Variants in IL17RE observed in about 807,000 individuals in gnomAD.
IL17RE encodes interleukin-17 receptor E.
In IL17RE, 47 loss-of-function variants were observed where a neutral mutation model predicts 70.7. That is an observed-to-expected ratio of 0.67 (90% confidence interval 0.53 to 0.85). The LOEUF is 0.85. Among genes scored for constraint, IL17RE ranks in the 40% least tolerant of loss-of-function variants. The probability of loss-of-function intolerance (pLI) is 0.00; values close to 1 mark genes in which losing one functional copy is unlikely to be tolerated. For synonymous variants in IL17RE, 372 were observed against 381.2 expected (o/e 0.98, Z 0.28); for missense variants, 850 against 893.9 (o/e 0.95, Z 0.63).
rs765059546 is a variant in IL17RE, at chr3:9,911,183, A to G, written c.1026+9A>G. On this transcript the variant is annotated intron_variant, in intron 10 of 15. Transcript: ENST00000383814. ...CCCAGCTCTGCTTCAAGGTACAACC[A>G]TGGGTAAGAAAAGATGTGGTGTAGT... The G allele has an allele frequency of 1.2e-6, 2 of 1,614,096 alleles. No homozygotes were observed. The highest frequency in any genetic ancestry group is 1.1e-5 in the South Asian group (1 of 91,094).
At chr3:9,910,366 C>CA (rs561370953) in intron 8 of IL17RE, 20,529 of 138,804 alleles carry the variant, frequency 0.15, 1,754 homozygotes, top group Admixed American at 0.25. Flanking sequence ...AACTCCGTCT[C>CA]AAAAAAAAAA....
intron 15 of IL17RE, 46 bp downstream of exon 15, chr3:9,914,823 G>C (rs367865658): frequency 1.3e-6 from 2 of 1,483,558 alleles, no homozygotes; most frequent in African/African-American, 1.4e-5. Flanking sequence ...TGCCCAGCTC[G>C]GAGACTAGCT....
In IL17RE at chr3:9,915,727, G is replaced by A; in HGVS notation, c.1924G>A (p.Ala642Thr). The stretch of plus-strand genomic sequence containing the variant: ...GGCCACCAGCTGGGGCCGCCTTGGG[G>A]CGCGGCAGCGCAGGCAGAGCCGCCT... ...AEATSWGRLG[A>T]RQRRQSRLEL... Residue 642 changes from alanine (A) to threonine (T), a missense_variant, in exon 16 of 16, where the codon GCG becomes ACG. Coordinates refer to ENST00000383814, the MANE Select transcript of IL17RE (RefSeq NM_153480.2). The surrounding 1 kb of genome is among the most constrained non-coding windows in gnomAD (Gnocchi z 4.9). The A allele has an allele frequency of 6.9e-7, 1 of 1,441,116 alleles. No homozygotes were observed. The highest frequency in any genetic ancestry group is 9.0e-7 in the Non-Finnish European group (1 of 1,110,536). The allele number at this position is 1,441,116 out of a possible 1,614,324, so 89.3% of individuals were successfully genotyped here.
At chr3:9,911,393 C>A (rs200740408) in intron 11 of IL17RE, 50 bp from the exon 12 acceptor site, 115 of 1,612,578 alleles carry the variant, frequency 7.1e-5, no homozygotes, top group South Asian at 6.3e-4. Context: ...GCCCTGAATT[C>A]ATCACCCAAA....
chr3:9,903,119 C>A, intron 1 of IL17RE, 55 bp downstream of exon 1: 2 of 1,483,280 alleles, frequency 1.3e-6, no homozygotes, highest in Non-Finnish European at 1.9e-6. Context: ...TAAAGCTCCC[C>A]ACTCCCCTGC....
chr3:9,903,450 C>T (rs998647350), intron 2 of IL17RE, 38 bp downstream of exon 2: 2 of 1,612,282 alleles, frequency 1.2e-6, no homozygotes, highest in Admixed American at 1.7e-5. Flanking sequence ...CCTCCCCACG[C>T]CCACTATTTT....
Position 9,916,186 on chromosome 3 carries a change from A to G in IL17RE, c.*379A>G, listed in dbSNP as rs1194743725. On this transcript the variant is annotated 3_prime_UTR_variant, in exon 16 of 16. Transcript: ENST00000383814. The stretch of plus-strand genomic sequence containing the variant: ...GGAGGGTGAGGCGGTGGGGGATTGC[A>G]GGGGGCGGCTGAGAGAAAACCTCCT... 6.2e-5 allele frequency: 11 copies of G among 177,262 alleles called. No individual in the cohort carries two copies. The highest frequency in any genetic ancestry group is 1.2e-5 in the Non-Finnish European group (1 of 85,194). 11.0% of individuals were successfully genotyped at this position (177,262 alleles called of 1,614,324 possible). A position where few individuals can be genotyped will look rare whatever the true frequency, so the allele number is the denominator to read the frequency against.
chr3:9,910,865 A>T lies in IL17RE; in HGVS notation c.803A>T (p.Tyr268Phe). ...CCCACTGACCCTGCCACCTGCCCAG[A>T]TGGCTCGGACTTCTGGAAGTCAGTG... is the stretch of plus-strand genomic sequence containing the variant. Reference protein sequence around the residue: ...KCPFQSWPEAYGSDFWKSVHF... With the variant: ...KCPFQSWPEAFGSDFWKSVHF... The change falls in exon 9 of 16, where the codon TAT becomes TTT. Residue 268 changes from tyrosine to phenylalanine, a missense_variant and splice_region_variant. By Grantham distance (22) the Tyr-to-Phe change is conservative. Transcript: ENST00000383814. 6.2e-7 allele frequency: 1 copy of T among 1,613,222 alleles called. No homozygotes were observed. The highest frequency in any genetic ancestry group is 8.5e-7 in the Non-Finnish European group (1 of 1,179,486).
Position 9,904,019 on chromosome 3 carries a change from C to T in IL17RE, c.149-13C>T, listed in dbSNP as rs1315650639. ...TAGACCCTATCATTTGCTTTCCCTT[C>T]CATCTTTCCCAGGAAGTTCTGCCTA... On this transcript the variant is annotated splice_polypyrimidine_tract_variant and intron_variant, in intron 2 of 15. Transcript: ENST00000383814. The T allele has an allele frequency of 6.2e-7, 1 of 1,613,894 alleles. No individual in the cohort carries two copies. The highest frequency in any genetic ancestry group is 2.2e-5 in the East Asian group (1 of 44,884).
intron 12 of IL17RE, 189 bp downstream of exon 12, chr3:9,911,786 T>C (rs279570): frequency 0.48 from 236,569 of 488,238 alleles, 61,516 homozygotes; most frequent in Non-Finnish European, 0.54. Context: ...CAAGGGAGCA[T>C]TTTCTTTTTT....
chr3:9,906,450 G>A lies in IL17RE; in HGVS notation c.355G>A (p.Ala119Thr). The A allele has an allele frequency of 6.2e-7, 1 of 1,611,284 alleles. No individual in the cohort carries two copies. Among genetic ancestry groups the A allele is most frequent in the Non-Finnish European group, 8.5e-7 (1 of 1,177,564 alleles). Reference protein sequence around the residue: ...FKFYRRHKMPAPAQRKLLPRR... With the variant: ...FKFYRRHKMPTPAQRKLLPRR... ...GTTCTATAGGAGACACAAGATGCCA[G>A]CACCTGCTCAGGTACTCTCCCTGTC... The change falls in exon 4 of 16, where the codon GCA becomes ACA. Residue 119 changes from alanine (A) to threonine (T), a missense_variant. By Grantham distance (58) the Ala-to-Thr change is moderately conservative. Transcript: ENST00000383814.
chr3:9,905,973 A>G (rs1213928218), intron 3 of IL17RE, among the ~76,000 whole-genome samples: 3 of 151,584 alleles, frequency 2.0e-5, no homozygotes, highest in Non-Finnish European at 2.9e-5. Flanking sequence ...ACGACTTACT[A>G]TCAGGCCGGC....
chr3:9,915,618 G>T lies in IL17RE; in HGVS notation c.1815G>T (p.Pro605=). ...TCTGCGCCAAGGGCGACATCCCCCC[G>T]CCGCTGCGCGCCCTGCCGCGCTACC... ...SRLCAKGDIP[P]PLRALPRYRL... Residue 605 remains proline, a synonymous_variant, in exon 16 of 16, where the codon CCG becomes CCT. Coordinates refer to ENST00000383814, the MANE Select transcript of IL17RE (RefSeq NM_153480.2). This position sits in a 1 kb window ranked among gnomAD's most constrained non-coding sequence, Gnocchi z 4.9. 1 of 1,412,444 alleles carries T rather than the reference G, an allele frequency of 7.1e-7. No homozygotes were observed. The highest frequency in any genetic ancestry group is 3.0e-5 in the Admixed American group (1 of 33,098). 87.5% of individuals were successfully genotyped at this position (1,412,444 alleles called of 1,614,324 possible). A position where few individuals can be genotyped will look rare whatever the true frequency, so the allele number is the denominator to read the frequency against.
Position 9,903,036 on chromosome 3 carries a change from A to G in IL17RE, c.104A>G (p.Asn35Ser), listed in dbSNP as rs1440878150. Residue 35 changes from asparagine (N) to serine (S), a missense_variant, in exon 1 of 16, where the codon AAC (asparagine) becomes AGC (serine). Transcript: ENST00000383814. Reference protein sequence around the residue: ...GIGFRHLPHWNTRCPLASHTD... With the variant: ...GIGFRHLPHWSTRCPLASHTD... ...GGCTTTCGCCACCTGCCCCACTGGA[A>G]CACCCGCTGTCCTCTGGCCTCCCAC... The G allele has an allele frequency of 6.2e-7, 1 of 1,614,114 alleles. No individual in the cohort carries two copies. The highest frequency in any genetic ancestry group is 8.5e-7 in the Non-Finnish European group (1 of 1,179,996).
chr3:9,907,993 T>C (rs781392695), intron 6 of IL17RE, among the ~76,000 whole-genome samples: 3 of 152,202 alleles, frequency 2.0e-5, no homozygotes, highest in Non-Finnish European at 4.4e-5. Flanking sequence ...CCCTGGCATA[T>C]AGTAGGGCCT....
rs1412145417 is a variant in IL17RE, at chr3:9,915,435, G to A, written c.1632G>A (p.Ala544=). 2 of 1,355,406 alleles carry A rather than the reference G, an allele frequency of 1.5e-6. No homozygotes were observed. Among genetic ancestry groups the A allele is most frequent in the Non-Finnish European group, 1.9e-6 (2 of 1,062,670 alleles). 84.0% of individuals were successfully genotyped at this position (1,355,406 alleles called of 1,614,324 possible). The change falls in exon 16 of 16, where the codon GCG becomes GCA. Residue 544 remains alanine (A), a synonymous_variant. Coordinates refer to ENST00000383814, the MANE Select transcript of IL17RE (RefSeq NM_153480.2). The surrounding 1 kb of genome is among the most constrained non-coding windows in gnomAD (Gnocchi z 4.9). The stretch of plus-strand genomic sequence containing the variant: ...GCCCGCTGCCGTGGCTCTGGGCGGC[G>A]CGGACGCGCGTAGCGCGGGAGCAGG... ...RVGPLPWLWA[A]RTRVAREQGT... is the part of the protein sequence containing the mutation.
At chr3:9,908,160 C>T (rs1197983308) in intron 6 of IL17RE, 79 bp from the exon 7 acceptor site, 4 of 1,197,482 alleles carry the variant, frequency 3.3e-6, no homozygotes, top group Admixed American at 1.7e-5. Flanking sequence ...GCCAAGATCC[C>T]AGCACTGTTC....
At chr3:9,905,924 A>T (rs1163920604) in intron 3 of IL17RE, among the ~76,000 whole-genome samples, 1 of 152,184 alleles carries the variant, frequency 6.6e-6, no homozygotes, top group Non-Finnish European at 1.5e-5. Context: ...AATTTTCAAG[A>T]TTAAAGAAGC....
Position 9,906,977 on chromosome 3 carries a change from T to G in IL17RE, c.543T>G (p.Phe181Leu). 6.2e-7 allele frequency: 1 copy of G among 1,614,146 alleles called. No homozygotes were observed. The highest frequency in any genetic ancestry group is 8.5e-7 in the Non-Finnish European group (1 of 1,180,022). Residue 181 changes from phenylalanine to leucine, a missense_variant, in exon 6 of 16, where the codon TTT becomes TTG. By Grantham distance (22) the Phe-to-Leu change is conservative (BLOSUM62 0). Coordinates refer to ENST00000383814, the MANE Select transcript of IL17RE (RefSeq NM_153480.2). ...SQRHGGPEFSFDLLPEARAIR... is the reference protein window; with the variant it reads ...SQRHGGPEFSLDLLPEARAIR... ...TCTCCCCAGGACCCGAGTTCTCCTT[T>G]GATTTGCTGCCTGAGGCCCGGGCTA...
Sources: allele counts gnomAD v4.1 joint callset (sites outside exome capture counted in the v4.1 genomes callset), GRCh38; gene constraint gnomAD v4.1.1; non-coding constraint Gnocchi (gnomAD v3.1); transcripts MANE v1.5; gene names NCBI Gene and HGNC (gene_info 2026-07-23, HGNC 2026-07-21).